The following PDE11A variants were observed in gnomAD, a reference collection of about 807,000 sequenced individuals.
The protein encoded by PDE11A is phosphodiesterase 11A, also known as dual 3',5'-cyclic-AMP and -GMP phosphodiesterase 11A.
In PDE11A, 100 loss-of-function variants were observed where a neutral mutation model predicts 100.5. The observed-to-expected ratio is 1.00, with a 90% CI of 0.85 to 1.18. PDE11A has a LOEUF of 1.18. Ranked by LOEUF, PDE11A falls within the 50% of genes most tolerant of loss-of-function variation. PDE11A has a pLI of 0.00. For synonymous variants in PDE11A, 381 were observed against 420.8 expected (o/e 0.91, Z 1.16); for missense variants, 1,141 against 1,152.6 (o/e 0.99, Z 0.15).
intron 5 of PDE11A, among the ~76,000 whole-genome samples, chr2:177,875,012 T>A (rs1477605122): frequency 1.3e-5 from 2 of 152,122 alleles, no homozygotes; most frequent in African/African-American, 4.8e-5. Flanking sequence ...TCACTTGAGG[T>A]CAGGAGTTCG....
rs911454924 is a variant in PDE11A, at chr2:177,898,125, T to C, written c.1235A>G (p.His412Arg). ...ACATTTCAGCAGAGTTTGGGCCCGA[T>C]GCATTATTTTCTTGACAATTTTCTC... ...DLEKIVKKIM[H>R]RAQTLLKCER... is the part of the protein sequence containing the mutation. The change falls in exon 4 of 20, where the codon CAT (histidine) becomes CGT (arginine). Residue 412 changes from histidine (H) to arginine (R), a missense_variant. By Grantham distance (29) the His-to-Arg change is conservative. Transcript: ENST00000286063. 6 of 1,610,880 alleles carry C rather than the reference T, an allele frequency of 3.7e-6. No homozygotes were observed. The highest frequency in any genetic ancestry group is 1.1e-5 in the South Asian group (1 of 91,008).
chr2:177,772,464 C>A (rs983982697), intron 9 of PDE11A, among the ~76,000 whole-genome samples: 2 of 152,052 alleles, frequency 1.3e-5, no homozygotes, highest in African/African-American at 4.8e-5. Flanking sequence ...CTTAAAATAT[C>A]AATAGGTATT....
At chr2:177,980,452 G>C (rs929065911) in intron 2 of PDE11A, among the ~76,000 whole-genome samples, 2 of 150,734 alleles carry the variant, frequency 1.3e-5, no homozygotes, top group Non-Finnish European at 3.0e-5. Context: ...ATAAGTATTA[G>C]TAAAAATACG....
At position 177,771,572 on chromosome 2, in the gene PDE11A, G is replaced by A. The variant is rs975167045; in HGVS notation, c.1738-2199C>T. On this transcript the variant is annotated intron_variant, in intron 9 of 19. Transcript: ENST00000286063. Reference sequence around the variant, plus strand: ...ACTACACAGGCATCTCCTGCTTAACGTAGAGGCTCCTCCTGAAAACACTAA... The same window carrying A: ...ACTACACAGGCATCTCCTGCTTAACATAGAGGCTCCTCCTGAAAACACTAA... Among the ~76,000 whole-genome samples the A allele has an allele frequency of 1.5e-4, 23 of 152,116 alleles. 1 individual carries two copies. Among genetic ancestry groups the A allele is most frequent in the Admixed American group, 1.3e-3 (20 of 15,270 alleles).
intron 1 of PDE11A, among the ~76,000 whole-genome samples, chr2:178,035,502 G>C (rs909765536): frequency 6.6e-6 from 1 of 152,190 alleles, no homozygotes; most frequent in Admixed American, 6.5e-5. Context: ...TAGAAAAAGA[G>C]GGAATCCTCC....
intron 6 of PDE11A, among the ~76,000 whole-genome samples, chr2:177,823,576 C>T (rs971839700): frequency 1.3e-5 from 2 of 152,134 alleles, no homozygotes; most frequent in Non-Finnish European, 2.9e-5. Context: ...AGATTAACTG[C>T]CTTGAATGAG....
chr2:178,024,583 T>C (rs973188157), intron 1 of PDE11A, among the ~76,000 whole-genome samples: 15 of 152,166 alleles, frequency 9.9e-5, no homozygotes, highest in African/African-American at 2.2e-4. Context: ...TATTAGCCCA[T>C]TGCCCCACCA....
rs964983966 is a variant in PDE11A at position 178,000,756 on chromosome 2, T to C, written c.1071+13546A>G. 7.9e-5 allele frequency among the ~76,000 whole-genome samples: 12 copies of C among 152,228 alleles called. No individual in the cohort carries two copies. In the East Asian group the frequency reaches 1.2e-3, roughly 15 times the overall value. ...GCTCAAGTGTGGTTACAAATATTTA[T>C]GGAAAGCTGAAATGCCACAAGGCAA... is the stretch of plus-strand genomic sequence containing the variant. On this transcript the variant is annotated intron_variant, in intron 2 of 19. Coordinates refer to ENST00000286063, the MANE Select transcript of PDE11A (RefSeq NM_016953.4).
chr2:177,909,584 C>T (rs1287411390), intron 2 of PDE11A, among the ~76,000 whole-genome samples: 1 of 152,086 alleles, frequency 6.6e-6, no homozygotes, highest in Non-Finnish European at 1.5e-5. Flanking sequence ...ATTTCAACTC[C>T]CTGTTAAGGC....
chr2:178,076,001 A>G (rs919492849), upstream of PDE11A, among the ~76,000 whole-genome samples: 2 of 152,030 alleles, frequency 1.3e-5, no homozygotes, highest in Admixed American at 1.3e-4. Flanking sequence ...TCTATAATAC[A>G]CTCCATGACA....
intron 2 of PDE11A, among the ~76,000 whole-genome samples, chr2:177,972,484 A>G (rs944023167): frequency 4.6e-5 from 7 of 152,240 alleles, no homozygotes; most frequent in South Asian, 2.1e-4. Flanking sequence ...TGGAGTGGCC[A>G]CATCAGGTGT....
chr2:178,038,655 T>A (rs2086646137), intron 1 of PDE11A, among the ~76,000 whole-genome samples: 1 of 152,050 alleles, frequency 6.6e-6, no homozygotes, highest in African/African-American at 2.4e-5. Context: ...TTCACTGAGC[T>A]CACCCCAGAA....
At chr2:177,897,598 C>A (rs191873740) in intron 4 of PDE11A, among the ~76,000 whole-genome samples, 2 of 152,312 alleles carry the variant, frequency 1.3e-5, no homozygotes, top group East Asian at 3.9e-4. Context: ...GCTCCAAGAG[C>A]TAAGGGTACT....
At chr2:177,689,021 C>T (rs893485418) in intron 15 of PDE11A, among the ~76,000 whole-genome samples, 1 of 152,190 alleles carries the variant, frequency 6.6e-6, no homozygotes, top group African/African-American at 2.4e-5. Context: ...AGTCCATAAA[C>T]ATTAGGAAGG....
At chr2:177,816,768 T>C in intron 9 of PDE11A, 61 bp downstream of exon 9, 1 of 950,472 alleles carries the variant, frequency 1.1e-6, no homozygotes, top group Non-Finnish European at 1.7e-6. Context: ...ACCAGGGAAA[T>C]TTTTTCCCTC....
At chr2:177,981,126 GA>G in intron 2 of PDE11A, among the ~76,000 whole-genome samples, 1 of 150,576 alleles carries the variant, frequency 6.6e-6, no homozygotes, top group South Asian at 2.2e-4. Context: ...TAGTTATCTT[GA>G]CTTGTTAGTA....
At chr2:177,853,916 A>G (rs1405480344) in intron 5 of PDE11A, among the ~76,000 whole-genome samples, 1 of 146,724 alleles carries the variant, frequency 6.8e-6, no homozygotes, top group Non-Finnish European at 1.5e-5. Flanking sequence ...ATATATGTGC[A>G]TATATATGTA....
At position 178,060,937 on chromosome 2, in the gene PDE11A, C is replaced by CTTT. The variant is rs71010855; in HGVS notation, c.912+10586_912+10588dup. On this transcript the variant is annotated intron_variant, in intron 1 of 19. Transcript: ENST00000286063. Reference sequence around the variant, plus strand: ...TGTTACATAAGCCATTGTAAATATTCTTTTTTTTTTTTTTTTTTTTTTTTG... The same window carrying CTTT: ...TGTTACATAAGCCATTGTAAATATTCTTTTTTTTTTTTTTTTTTTTTTTTTTTG... Among the ~76,000 whole-genome samples the CTTT allele has an allele frequency of 2.3e-3, 175 of 75,678 alleles. 2 individuals carry two copies. Among genetic ancestry groups the CTTT allele is most frequent in the African/African-American group, 4.7e-3 (88 of 18,650 alleles). The allele number at this position is 75,678 out of a possible 152,430, so 49.6% of individuals were successfully genotyped here. A position where few individuals can be genotyped will look rare whatever the true frequency, so the allele number is the denominator to read the frequency against.
chr2:177,982,216 T>G (rs570393932), intron 2 of PDE11A, among the ~76,000 whole-genome samples: 2 of 150,844 alleles, frequency 1.3e-5, no homozygotes, highest in Admixed American at 1.3e-4. Context: ...ATGTCTTGAG[T>G]GAGTAATATA....
Sources: allele counts gnomAD v4.1 joint callset (sites outside exome capture counted in the v4.1 genomes callset), GRCh38; gene constraint gnomAD v4.1.1; transcripts MANE v1.5; gene names NCBI Gene and HGNC (gene_info 2026-07-23, HGNC 2026-07-21).